The following MAF variants were observed in gnomAD, a reference collection of about 807,000 sequenced individuals.
The protein encoded by MAF is transcription factor Maf.
In MAF, 10 loss-of-function variants were observed where a neutral mutation model predicts 22.0. The ratio of observed to expected loss-of-function variants is 0.45; its 90% CI spans 0.28 to 0.77. MAF has a LOEUF of 0.77. Among genes scored for constraint, MAF ranks in the 30% least tolerant of loss-of-function variants. The pLI is 0.12. For synonymous variants in MAF, 337 were observed against 255.8 expected, an observed-to-expected ratio of 1.32 and a Z score of -3.03; for missense variants, 544 against 548.4, an observed-to-expected ratio of 0.99 and a Z score of 0.08.
At chr16:79,369,908 G>A in the MAF span, among the ~76,000 whole-genome samples, 2 of 152,176 alleles carry the variant, frequency 1.3e-5, no homozygotes, top group Non-Finnish European at 2.9e-5. Flanking sequence ...CAAACACCAG[G>A]CCTCCAAATT....
the MAF span, among the ~76,000 whole-genome samples, chr16:79,350,514 C>T: frequency 6.6e-6 from 1 of 152,168 alleles, no homozygotes; most frequent in Non-Finnish European, 1.5e-5. Context: ...TTTCCAGCCC[C>T]CTTTGCAGTT....
At chr16:79,283,460 G>C in the MAF span, among the ~76,000 whole-genome samples, 1 of 152,220 alleles carries the variant, frequency 6.6e-6, no homozygotes, top group Admixed American at 6.5e-5. Flanking sequence ...ATTTTAAAAA[G>C]ATCCTCAAAT....
chr16:79,439,959 G>A, the MAF span, among the ~76,000 whole-genome samples: 199 of 152,308 alleles, frequency 1.3e-3, 1 homozygote, highest in Non-Finnish European at 2.0e-3. Flanking sequence ...GTTTTGATGC[G>A]AGAGGTCTTC....
At chr16:79,447,834 T>C in the MAF span, among the ~76,000 whole-genome samples, 16 of 139,156 alleles carry the variant, frequency 1.1e-4, no homozygotes, top group Middle Eastern at 4.2e-3. Flanking sequence ...GTGGAGGACG[T>C]TGTTGTTAGC....
At chr16:79,406,352 A>G in the MAF span, among the ~76,000 whole-genome samples, 2 of 152,206 alleles carry the variant, frequency 1.3e-5, no homozygotes. Flanking sequence ...ATACCAGGAT[A>G]TCATAGACTG....
the MAF span, among the ~76,000 whole-genome samples, chr16:79,438,103 C>G: frequency 6.6e-6 from 1 of 151,960 alleles, no homozygotes; most frequent in Non-Finnish European, 1.5e-5. Flanking sequence ...ACAGCAGAGG[C>G]CCCGTGGCGT....
At chr16:79,550,086 C>G in the MAF span, among the ~76,000 whole-genome samples, 10,388 of 152,176 alleles carry the variant, frequency 0.068, 516 homozygotes, top group Non-Finnish European at 0.088. Flanking sequence ...CAAGCTCATA[C>G]TGCTCTCTCC....
At chr16:79,331,431 T>C in the MAF span, among the ~76,000 whole-genome samples, 3 of 152,228 alleles carry the variant, frequency 2.0e-5, no homozygotes, top group Non-Finnish European at 2.9e-5. Flanking sequence ...TCACCCTTCA[T>C]GGCTTGGACT....
the MAF span, among the ~76,000 whole-genome samples, chr16:79,548,327 T>G: frequency 6.6e-6 from 1 of 152,208 alleles, no homozygotes; most frequent in South Asian, 2.1e-4. Flanking sequence ...AAGCTTTAGG[T>G]AGTCATTTAT....
At chr16:79,473,889 C>T in the MAF span, among the ~76,000 whole-genome samples, 9 of 152,024 alleles carry the variant, frequency 5.9e-5, no homozygotes, top group East Asian at 3.9e-4. Flanking sequence ...TCAGTGTTGC[C>T]CTTTGTGGGA....
the MAF span, among the ~76,000 whole-genome samples, chr16:79,273,020 T>A: frequency 6.6e-6 from 1 of 152,250 alleles, no homozygotes; most frequent in African/African-American, 2.4e-5. Context: ...AGAAGTATGT[T>A]AAAATGACAT....
At chr16:79,546,109 G>C in the MAF span, among the ~76,000 whole-genome samples, 2 of 151,982 alleles carry the variant, frequency 1.3e-5, no homozygotes, top group East Asian at 3.8e-4. Flanking sequence ...TGTGGTATGA[G>C]TGTTACCAAC....
chr16:79,325,556 C>G, the MAF span, among the ~76,000 whole-genome samples: 1 of 151,836 alleles, frequency 6.6e-6, no homozygotes, highest in Non-Finnish European at 1.5e-5. Context: ...TTAAGGCACA[C>G]AGACACACAC....
chr16:79,246,455 C>T, the MAF span, among the ~76,000 whole-genome samples: 1 of 146,012 alleles, frequency 6.8e-6, no homozygotes, highest in Non-Finnish European at 1.5e-5. Flanking sequence ...AGGACCCCCT[C>T]ACATAGACAC....
the MAF span, among the ~76,000 whole-genome samples, chr16:79,398,311 T>C: frequency 6.6e-6 from 1 of 152,216 alleles, no homozygotes; most frequent in African/African-American, 2.4e-5. Flanking sequence ...GTGACGTTAA[T>C]GCCATCTGCA....
the MAF span, among the ~76,000 whole-genome samples, chr16:79,364,689 G>C: frequency 2.0e-5 from 3 of 152,144 alleles, no homozygotes; most frequent in African/African-American, 7.2e-5. Flanking sequence ...GCCATTCTGA[G>C]AGCATTCATA....
the MAF span, among the ~76,000 whole-genome samples, chr16:79,229,820 G>C: frequency 1.3e-5 from 2 of 152,078 alleles, no homozygotes; most frequent in Non-Finnish European, 2.9e-5. Flanking sequence ...CTAGTGGTGA[G>C]AGGGTCCTAA....
chr16:79,402,012 C>T, the MAF span, among the ~76,000 whole-genome samples: 1 of 152,134 alleles, frequency 6.6e-6, no homozygotes, highest in Non-Finnish European at 1.5e-5. Context: ...AGGTTAAATG[C>T]CCAAAGTCAC....
chr16:79,248,485 C>T, the MAF span, among the ~76,000 whole-genome samples: 812 of 152,286 alleles, frequency 5.3e-3, no homozygotes, highest in Non-Finnish European at 8.9e-3. Context: ...TAGTCAGAGA[C>T]TTGTTTTTCC....
Sources: gnomAD v4.1 joint callset for allele counts (sites outside exome capture counted in the v4.1 genomes callset) on GRCh38, gnomAD v4.1.1 for gene constraint, MANE v1.5 for transcripts, NCBI Gene and HGNC (gene_info 2026-07-23, HGNC 2026-07-21) for gene names.